Variants in IGDCC4 observed in about 807,000 individuals in gnomAD.
IGDCC4 encodes the protein immunoglobulin superfamily DCC subclass member 4.
Under a neutral mutation model 116.6 loss-of-function variants are expected in IGDCC4, and 72 were observed. The observed-to-expected ratio is 0.62, with a 90% CI of 0.51 to 0.75. IGDCC4 has a LOEUF of 0.75. Ranked by LOEUF, IGDCC4 falls within the 30% of genes least tolerant of loss-of-function variation. The probability of loss-of-function intolerance (pLI) is 0.00; values close to 1 mark genes in which losing one functional copy is unlikely to be tolerated. For missense variants in IGDCC4, 1,501 were observed against 1,662.4 expected (o/e 0.90, Z 1.69); for synonymous variants, 709 against 719.9 (o/e 0.98, Z 0.24).
At chr15:65,402,960 T>A (rs2063004500) in intron 3 of IGDCC4, among the ~76,000 whole-genome samples, 1 of 152,176 alleles carries the variant, frequency 6.6e-6, no homozygotes, top group Non-Finnish European at 1.5e-5. Flanking sequence ...GATGAGGGAA[T>A]GGAGGAAGGC....
rs546980452 is a variant in IGDCC4, at chr15:65,414,915, GGCTCTGGAAGATCCAGT to G, written c.71-3562_71-3546del. Among the ~76,000 whole-genome samples the G allele has an allele frequency of 5.1e-4, 78 of 152,264 alleles. 1 individual carries two copies. The highest frequency in any genetic ancestry group is 1.7e-3 in the African/African-American group (71 of 41,552). The stretch of plus-strand genomic sequence containing the variant: ...CCTTGGCTCTGGAAGATCACGCCTT[GGCTCTGGAAGATCCAGT>G]GCTCTGGAAGAGCACATCCAAAGTG... On this transcript the variant is annotated intron_variant, in intron 1 of 19. Coordinates refer to ENST00000352385, the MANE Select transcript of IGDCC4 (RefSeq NM_020962.3).
At chr15:65,396,300 CT>C in intron 6 of IGDCC4, 137 bp from the exon 7 acceptor site, 1 of 958,570 alleles carries the variant, frequency 1.0e-6, no homozygotes, top group Admixed American at 2.0e-5. Flanking sequence ...CTGATTCACC[CT>C]TTCCAAACTA....
At chr15:65,390,062 G>A in intron 13 of IGDCC4, 93 bp downstream of exon 13, 2 of 1,133,342 alleles carry the variant, frequency 1.8e-6, no homozygotes, top group South Asian at 3.2e-5. Context: ...AATCCCAGGG[G>A]CCCTTCCCTG....
At chr15:65,404,192 A>G (rs2140222805) in intron 3 of IGDCC4, among the ~76,000 whole-genome samples, 1 of 152,280 alleles carries the variant, frequency 6.6e-6, no homozygotes, top group Non-Finnish European at 1.5e-5. Context: ...GCTGTGGCCC[A>G]AAGACTTAAA....
rs372003690 is a variant in IGDCC4 at position 65,384,392 on chromosome 15, C to G, written c.3370G>C (p.Ala1124Pro). The G allele has an allele frequency of 1.3e-6, 2 of 1,521,026 alleles. No homozygotes were observed. The highest frequency in any genetic ancestry group is 1.8e-6 in the Non-Finnish European group (2 of 1,137,766). 94.2% of individuals were successfully genotyped at this position (1,521,026 alleles called of 1,614,324 possible). ...TCAGCCTCCACCTGGTTCCTGCAGG[C>G]TGGGGGTGACTTCTTCCTCCCATTG... ...KGNGRKKSPP[A>P]CRNQVEAEVI... The change falls in exon 20 of 20, where the codon GCC becomes CCC. Residue 1124 changes from alanine to proline, a missense_variant. By Grantham distance (27) the Ala-to-Pro change is conservative (BLOSUM62 -1). This residue lies in a region of IGDCC4 where 368 missense variants were observed against 355.6 expected (regional missense o/e 1.03). Transcript: ENST00000352385. This position sits in a 1 kb window ranked among gnomAD's most constrained non-coding sequence, Gnocchi z 4.9.
intron 1 of IGDCC4, among the ~76,000 whole-genome samples, chr15:65,421,296 G>A (rs1211672052): frequency 6.6e-6 from 1 of 152,178 alleles, no homozygotes; most frequent in Non-Finnish European, 1.5e-5. Context: ...GCTCGTTCCA[G>A]GAGCCCTAGG....
chr15:65,402,122 A>C (rs1488627880), intron 4 of IGDCC4, among the ~76,000 whole-genome samples: 1 of 152,194 alleles, frequency 6.6e-6, no homozygotes, highest in Admixed American at 6.5e-5. Flanking sequence ...CTGCATGAAG[A>C]GAGGAGCCCT....
chr15:65,400,951 C>T lies in IGDCC4; in HGVS notation c.701-5G>A, dbSNP rs754220248. Reference sequence around the variant, plus strand: ...CCCTGGTGGACGCCAGGGACCCTGGCGAGAAGACAGACCAGCAGGCAGCCT... The same window carrying T: ...CCCTGGTGGACGCCAGGGACCCTGGTGAGAAGACAGACCAGCAGGCAGCCT... On this transcript the variant is annotated splice_region_variant and splice_polypyrimidine_tract_variant and intron_variant, in intron 4 of 19. Coordinates refer to ENST00000352385, the MANE Select transcript of IGDCC4 (RefSeq NM_020962.3). 3.1e-6 allele frequency: 5 copies of T among 1,614,012 alleles called. No individual in the cohort carries two copies. Among genetic ancestry groups the T allele is most frequent in the Admixed American group, 1.7e-5 (1 of 60,028 alleles).
In IGDCC4 at chr15:65,381,675, A is replaced by G. The variant is rs1226101479; in HGVS notation, c.*2334T>C. ...GATTACACTTGTCATGCATCAAGAA[A>G]AGGAAGATTTTTAATTGAGACTCAG... On this transcript the variant is annotated 3_prime_UTR_variant, in exon 20 of 20. Coordinates refer to ENST00000352385, the MANE Select transcript of IGDCC4 (RefSeq NM_020962.3). 1.3e-5 allele frequency: 2 copies of G among 152,242 alleles called. No individual in the cohort carries two copies. Among genetic ancestry groups the G allele is most frequent in the Non-Finnish European group, 2.9e-5 (2 of 68,038 alleles). 9.4% of individuals were successfully genotyped at this position (152,242 alleles called of 1,614,324 possible).
At chr15:65,394,134 G>C (rs1341666486) in intron 9 of IGDCC4, among the ~76,000 whole-genome samples, 3 of 152,146 alleles carry the variant, frequency 2.0e-5, no homozygotes, top group Non-Finnish European at 2.9e-5. Context: ...CCATTTCCCA[G>C]ATAAGGAAAC....
Position 65,393,018 on chromosome 15 carries a change from A to G in IGDCC4, c.1885+343T>C, listed in dbSNP as rs2062882134. Among the ~76,000 whole-genome samples, 1 of 152,200 alleles carries G rather than the reference A, an allele frequency of 6.6e-6. No individual in the cohort carries two copies. Among genetic ancestry groups the G allele is most frequent in the East Asian group, 1.9e-4 (1 of 5,196 alleles). Reference sequence around the variant, plus strand: ...AATCACTCTTCTATTGGGCCTCTCAACAAAAACAATCATCATCACCATCAT... The same window carrying G: ...AATCACTCTTCTATTGGGCCTCTCAGCAAAAACAATCATCATCACCATCAT... On this transcript the variant is annotated intron_variant, in intron 10 of 19. Coordinates refer to ENST00000352385, the MANE Select transcript of IGDCC4 (RefSeq NM_020962.3). This position sits in a 1 kb window ranked among gnomAD's most constrained non-coding sequence, Gnocchi z 4.6.
intron 12 of IGDCC4, among the ~76,000 whole-genome samples, chr15:65,390,944 A>G (rs2091508424): frequency 6.6e-6 from 1 of 152,212 alleles, no homozygotes. Flanking sequence ...AACTGGAATT[A>G]GAACTCAGCT....
chr15:65,384,991 G>C lies in IGDCC4; in HGVS notation c.3305C>G (p.Thr1102Arg). The change falls in exon 19 of 20, where the codon ACG becomes AGG. Residue 1102 changes from threonine (T) to arginine (R), a missense_variant. Thr to Arg is a moderately conservative substitution (Grantham distance 71, BLOSUM62 -1). This residue lies in a region of IGDCC4 where 368 missense variants were observed against 355.6 expected (regional missense o/e 1.03). Transcript: ENST00000352385. The surrounding 1 kb of genome is among the most constrained non-coding windows in gnomAD (Gnocchi z 4.9). ...GTACACCAGAGCCTGCAGCAACAGC[G>C]TCTGCCCAGTTCCAGCAGGGGGCAG... ...ALLPPAGTGQ[T>R]LLLQALVYDA... The C allele has an allele frequency of 6.2e-7, 1 of 1,610,896 alleles. No individual in the cohort carries two copies. Among genetic ancestry groups the C allele is most frequent in the South Asian group, 1.1e-5 (1 of 90,930 alleles).
Position 65,422,893 on chromosome 15 carries a change from C to T in IGDCC4, c.-31G>A. 1 of 1,034,622 alleles carries T rather than the reference C, an allele frequency of 9.7e-7. No homozygotes were observed. The highest frequency in any genetic ancestry group is 1.2e-6 in the Non-Finnish European group (1 of 861,182). The allele number at this position is 1,034,622 out of a possible 1,614,324, so 64.1% of individuals were successfully genotyped here. A position where few individuals can be genotyped will look rare whatever the true frequency, so the allele number is the denominator to read the frequency against. On this transcript the variant is annotated 5_prime_UTR_variant, in exon 1 of 20. Transcript: ENST00000352385. ...TGGGCTCGGGCCGCCGCCGCCGCCG[C>T]CGCCTCCCCGTGCTTCGGCCGCCGC...
Position 65,411,116 on chromosome 15 carries a change from G to A in IGDCC4, c.325C>T (p.Pro109Ser). The change falls in exon 2 of 20, where the codon CCT (proline) becomes TCT (serine). Residue 109 changes from proline to serine, a missense_variant. Physicochemically the swap from Pro to Ser is moderately conservative, Grantham distance 74. Coordinates refer to ENST00000352385, the MANE Select transcript of IGDCC4 (RefSeq NM_020962.3). ...CCTTCAATGACCCCCACAGCCTCAG[G>A]GACTGACTCGTCACTGCCATTGGGT... is the stretch of plus-strand genomic sequence containing the variant. ...LAPNGSDESV[P>S]EAVGVIEGNY... 9.3e-6 allele frequency: 15 copies of A among 1,614,200 alleles called. No individual in the cohort carries two copies. Among genetic ancestry groups the A allele is most frequent in the Non-Finnish European group, 1.3e-5 (15 of 1,180,036 alleles).
At chr15:65,394,100 A>G (rs997796185) in intron 9 of IGDCC4, among the ~76,000 whole-genome samples, 1 of 152,138 alleles carries the variant, frequency 6.6e-6, no homozygotes, top group Non-Finnish European at 1.5e-5. Flanking sequence ...TCCTGGGGTC[A>G]AGTGATCCTC....
In IGDCC4 at chr15:65,396,356, C is replaced by G. The variant is rs771782054; in HGVS notation, c.998-193G>C. On this transcript the variant is annotated intron_variant, in intron 6 of 19. Coordinates refer to ENST00000352385, the MANE Select transcript of IGDCC4 (RefSeq NM_020962.3). ...TACCCTTTCTTCTCCCCATTTACCC[C>G]AGCCCCACAACGACCATTCTCTTTC... is the stretch of plus-strand genomic sequence containing the variant. 35 of 718,300 alleles carry G rather than the reference C, an allele frequency of 4.9e-5. 1 individual carries two copies. The South Asian group carries it at 5.1e-4, about 10-fold the overall frequency. The allele number at this position is 718,300 out of a possible 1,614,324, so 44.5% of individuals were successfully genotyped here.
At chr15:65,392,881 T>C (rs542820184) in intron 10 of IGDCC4, among the ~76,000 whole-genome samples, 4 of 152,254 alleles carry the variant, frequency 2.6e-5, no homozygotes, top group South Asian at 2.1e-4. Flanking sequence ...CCCTCTAAAA[T>C]AGTGAAAATA....
chr15:65,389,352 A>C lies in IGDCC4; in HGVS notation c.2468T>G (p.Val823Gly). The C allele has an allele frequency of 6.2e-7, 1 of 1,614,192 alleles. No individual in the cohort carries two copies. Among genetic ancestry groups the C allele is most frequent in the Non-Finnish European group, 8.5e-7 (1 of 1,180,030 alleles). The change falls in exon 14 of 20, where the codon GTG becomes GGG. Residue 823 changes from valine (V) to glycine (G), a missense_variant. Coordinates refer to ENST00000352385, the MANE Select transcript of IGDCC4 (RefSeq NM_020962.3). ...LKPFTKYEFA[V>G]QSHGVDMDGP... Reference sequence around the variant, plus strand: ...ATCCATGTCCACGCCGTGAGACTGCACTGCAAACTCGTATTTGGTGAATGG... The same window carrying C: ...ATCCATGTCCACGCCGTGAGACTGCCCTGCAAACTCGTATTTGGTGAATGG...
Sources: allele counts gnomAD v4.1 joint callset (sites outside exome capture counted in the v4.1 genomes callset), GRCh38; gene constraint gnomAD v4.1.1; regional missense constraint gnomAD v4.1.1; non-coding constraint Gnocchi (gnomAD v3.1); transcripts MANE v1.5; gene names NCBI Gene and HGNC (gene_info 2026-07-23, HGNC 2026-07-21).